The following ELF5 variants were observed in gnomAD, a reference collection of about 807,000 sequenced individuals.
ELF5 encodes ETS-related transcription factor Elf-5.
In ELF5, 31 loss-of-function variants were observed where a neutral mutation model predicts 38.2. The observed-to-expected ratio is 0.81, with a 90% CI of 0.61 to 1.10. The LOEUF is 1.10. ELF5 is among the 50% of genes least tolerant of loss of function. The pLI is 0.00. For synonymous variants in ELF5, 121 were observed against 112.5 expected (o/e 1.08, Z -0.48); for missense variants, 300 against 306.6 (o/e 0.98, Z 0.16).
intron 2 of ELF5, among the ~76,000 whole-genome samples, chr11:34,497,677 C>T (rs7126243): frequency 0.13 from 20,120 of 152,130 alleles, 1,483 homozygotes; most frequent in Admixed American, 0.21. Context: ...AATGGCTACC[C>T]GACCCCTTGC....
intron 3 of ELF5, among the ~76,000 whole-genome samples, chr11:34,491,180 A>G (rs184101540): frequency 4.7e-4 from 72 of 152,290 alleles, no homozygotes; most frequent in Admixed American, 3.1e-3. Context: ...ATCTAAATGG[A>G]GACACTTTTG....
intron 3 of ELF5, chr11:34,493,170 G>A (rs777341857): frequency 1.3e-5 from 7 of 543,682 alleles, no homozygotes; most frequent in Non-Finnish European, 2.0e-5. Flanking sequence ...TCCATCCTGT[G>A]TGGTTTCAAA....
chr11:34,480,901 CCA>C lies in ELF5; in HGVS notation c.540_541del (p.Cys180TrpfsTer8). The stretch of plus-strand genomic sequence containing the variant: ...TTCCCTATCTTCCCATTCCAGAATG[CCA>C]CAGTTTTCTTCAGGAGATAGAAGCA... On this transcript the variant is annotated frameshift_variant, in exon 6 of 7. Coordinates refer to ENST00000257832, the MANE Select transcript of ELF5 (RefSeq NM_001422.4). LOFTEE classifies it high-confidence loss of function. 1.2e-6 allele frequency: 2 copies of C among 1,614,132 alleles called. No individual in the cohort carries two copies. Among genetic ancestry groups the C allele is most frequent in the Non-Finnish European group, 1.7e-6 (2 of 1,180,030 alleles).
At chr11:34,504,175 G>C (rs566850473) in intron 2 of ELF5, among the ~76,000 whole-genome samples, 4 of 152,336 alleles carry the variant, frequency 2.6e-5, no homozygotes, top group African/African-American at 9.6e-5. Flanking sequence ...ACCACTGTGG[G>C]AAACATAGGG....
intron 2 of ELF5, among the ~76,000 whole-genome samples, chr11:34,496,194 G>A (rs1332738400): frequency 2.0e-5 from 3 of 152,256 alleles, no homozygotes; most frequent in African/African-American, 7.2e-5. Flanking sequence ...CACCGGGGAG[G>A]TGTTGCTGGC....
chr11:34,501,274 C>T (rs1850460024), intron 2 of ELF5, among the ~76,000 whole-genome samples: 1 of 152,190 alleles, frequency 6.6e-6, no homozygotes, highest in East Asian at 1.9e-4. Context: ...ACTCCCTTCT[C>T]TGGTGGTCCC....
intron 2 of ELF5, among the ~76,000 whole-genome samples, chr11:34,497,311 A>G (rs7115064): frequency 0.13 from 20,066 of 152,224 alleles, 1,474 homozygotes; most frequent in Admixed American, 0.21. Flanking sequence ...CCTTCTGCCT[A>G]TGTCGACCAG....
chr11:34,510,826 A>AT (rs1367806466), intron 1 of ELF5, among the ~76,000 whole-genome samples: 1 of 152,186 alleles, frequency 6.6e-6, no homozygotes, highest in Non-Finnish European at 1.5e-5. Context: ...AGGAGAAGTG[A>AT]TAAAAAAAAG....
intron 4 of ELF5, among the ~76,000 whole-genome samples, chr11:34,488,797 G>A (rs1850079024): frequency 1.3e-5 from 2 of 152,246 alleles, no homozygotes; most frequent in Admixed American, 1.3e-4. Flanking sequence ...ACTACTTAGA[G>A]AGTAAAGCAA....
intron 1 of ELF5, among the ~76,000 whole-genome samples, chr11:34,507,929 A>G (rs1850650168): frequency 6.6e-6 from 1 of 152,186 alleles, no homozygotes; most frequent in Admixed American, 6.5e-5. Flanking sequence ...GACTGTGATA[A>G]TTTCACTCAA....
intron 2 of ELF5, among the ~76,000 whole-genome samples, chr11:34,498,992 G>T (rs1047911232): frequency 6.6e-6 from 1 of 152,044 alleles, no homozygotes; most frequent in African/African-American, 2.4e-5. Context: ...TTGAGAGGCT[G>T]AGGCAGGAGA....
intron 4 of ELF5, among the ~76,000 whole-genome samples, chr11:34,483,669 G>A (rs775165741): frequency 1.2e-4 from 18 of 151,844 alleles, no homozygotes; most frequent in Non-Finnish European, 2.1e-4. Flanking sequence ...ATACTGTACT[G>A]TAGCATACTA....
At chr11:34,499,706 G>C (rs1045239418) in intron 2 of ELF5, among the ~76,000 whole-genome samples, 1 of 152,234 alleles carries the variant, frequency 6.6e-6, no homozygotes, top group Non-Finnish European at 1.5e-5. Context: ...TGTGAAGCTA[G>C]ATGAACCTGC....
intron 2 of ELF5, among the ~76,000 whole-genome samples, chr11:34,504,836 G>A (rs1850566798): frequency 6.6e-6 from 1 of 152,102 alleles, no homozygotes. Flanking sequence ...GCCTTCTCAG[G>A]TGGAGAAATC....
chr11:34,488,322 G>A (rs1177220422), intron 4 of ELF5, among the ~76,000 whole-genome samples: 1 of 152,166 alleles, frequency 6.6e-6, no homozygotes, highest in Non-Finnish European at 1.5e-5. Flanking sequence ...AAGGAAACAG[G>A]AGAGAAATAA....
chr11:34,509,057 C>A (rs186780584), intron 1 of ELF5, among the ~76,000 whole-genome samples: 129 of 152,236 alleles, frequency 8.5e-4, no homozygotes, highest in African/African-American at 2.9e-3. Context: ...ACGCCGGGTG[C>A]GGTGGTTCAT....
At chr11:34,502,138 C>G (rs1299530475) in intron 2 of ELF5, among the ~76,000 whole-genome samples, 1 of 152,180 alleles carries the variant, frequency 6.6e-6, no homozygotes, top group East Asian at 1.9e-4. Context: ...ACTTCGTACA[C>G]AAAATATCAT....
At chr11:34,490,733 C>G (rs1472916605) in intron 3 of ELF5, among the ~76,000 whole-genome samples, 2 of 152,108 alleles carry the variant, frequency 1.3e-5, no homozygotes, top group Non-Finnish European at 2.9e-5. Flanking sequence ...CTGAAGGATA[C>G]CTATGTCCTA....
chr11:34,490,852 C>T (rs376802102), intron 3 of ELF5, among the ~76,000 whole-genome samples: 43 of 152,238 alleles, frequency 2.8e-4, no homozygotes, highest in African/African-American at 6.5e-4. Flanking sequence ...TGGTCAGCCA[C>T]GCGCCTCAGT....
Sources: gnomAD v4.1 joint callset for allele counts (sites outside exome capture counted in the v4.1 genomes callset) on GRCh38, gnomAD v4.1.1 for gene constraint, MANE v1.5 for transcripts, NCBI Gene and HGNC (gene_info 2026-07-23, HGNC 2026-07-21) for gene names.